The following SMOC2 variants were observed in gnomAD, a reference collection of about 807,000 sequenced individuals.
The protein encoded by SMOC2 is SPARC-related modular calcium-binding protein 2.
A neutral mutation model predicts 61.4 loss-of-function variants in SMOC2; 39 were observed. The ratio of observed to expected loss-of-function variants is 0.64; its 90% CI spans 0.49 to 0.83. SMOC2 has a LOEUF of 0.83. SMOC2 is among the 40% of genes least tolerant of loss of function. The pLI is 0.00. For missense variants in SMOC2, 556 were observed against 592.9 expected (o/e 0.94, Z 0.65); for synonymous variants, 247 against 239.9 (o/e 1.03, Z -0.27).
intron 9 of SMOC2, among the ~76,000 whole-genome samples, chr6:168,641,383 C>T (rs74960796): frequency 6.6e-6 from 1 of 152,182 alleles, no homozygotes; most frequent in African/African-American, 2.4e-5. Context: ...CGTGTCTCTT[C>T]ACCAATACCT....
Position 168,620,980 on chromosome 6 carries a change from G to A in SMOC2, c.907+12741G>A, listed in dbSNP as rs532999883. Among the ~76,000 whole-genome samples, 10 of 149,872 alleles carry A rather than the reference G, an allele frequency of 6.7e-5. 1 individual carries two copies. Among genetic ancestry groups the A allele is most frequent in the African/African-American group, 2.0e-4 (8 of 39,270 alleles). ...ACACCCTGGATGACCAACCAAGGTC[G>A]AAAACTTCTCAAAACCTGGCTTGTG... On this transcript the variant is annotated intron_variant, in intron 9 of 12. Transcript: ENST00000356284.
At chr6:168,660,263 C>G (rs1417497681) in intron 11 of SMOC2, among the ~76,000 whole-genome samples, 3 of 152,140 alleles carry the variant, frequency 2.0e-5, no homozygotes, top group Admixed American at 2.0e-4. Flanking sequence ...CCTAGACAAT[C>G]TCTTTGGAAG....
intron 8 of SMOC2, among the ~76,000 whole-genome samples, chr6:168,601,330 GCTGACCGC>G (rs1785549649): frequency 6.6e-6 from 1 of 152,192 alleles, no homozygotes; most frequent in Non-Finnish European, 1.5e-5. Flanking sequence ...GGCCGCCCTG[GCTGACCGC>G]CTGCTCTCGA....
intron 1 of SMOC2, among the ~76,000 whole-genome samples, chr6:168,487,453 C>T (rs16886982): frequency 0.042 from 6,401 of 152,174 alleles, 206 homozygotes; most frequent in South Asian, 0.16. Context: ...ATCTCATGCA[C>T]CGAAAATTAT....
chr6:168,612,961 G>T (rs888660494), intron 9 of SMOC2, among the ~76,000 whole-genome samples: 1 of 152,190 alleles, frequency 6.6e-6, no homozygotes, highest in Middle Eastern at 3.2e-3. Flanking sequence ...GGCCTAGAGT[G>T]CAGGGTTTCC....
intron 7 of SMOC2, among the ~76,000 whole-genome samples, chr6:168,568,025 A>G (rs143180996): frequency 2.2e-5 from 3 of 133,954 alleles, no homozygotes; most frequent in African/African-American, 6.1e-5. Context: ...AATTTAGTGC[A>G]TCTTCTCTTC....
chr6:168,501,873 C>T lies in SMOC2; in HGVS notation c.85-8042C>T, dbSNP rs530870343. Among the ~76,000 whole-genome samples the T allele has an allele frequency of 1.7e-3, 255 of 152,300 alleles. 1 individual carries two copies. Among genetic ancestry groups the T allele is most frequent in the Non-Finnish European group, 3.1e-4 (21 of 68,030 alleles). On this transcript the variant is annotated intron_variant, in intron 1 of 12. Transcript: ENST00000356284. The stretch of plus-strand genomic sequence containing the variant: ...CGTTTGGTCCTGAGAGGGGCTGCCT[C>T]GCCCTGGCCACATCCTCCTGCACAT...
At chr6:168,479,492 A>T (rs1256516752) in intron 1 of SMOC2, among the ~76,000 whole-genome samples, 1 of 152,198 alleles carries the variant, frequency 6.6e-6, no homozygotes, top group African/African-American at 2.4e-5. Flanking sequence ...AATCTTTCTG[A>T]TGTAACTATT....
intron 4 of SMOC2, among the ~76,000 whole-genome samples, chr6:168,540,200 G>A (rs1261655694): frequency 1.3e-5 from 2 of 152,254 alleles, no homozygotes; most frequent in South Asian, 2.1e-4. Context: ...GTGTGTATGA[G>A]GGGGTGAGCC....
intron 1 of SMOC2, among the ~76,000 whole-genome samples, chr6:168,491,920 A>AT (rs1486148203): frequency 6.6e-6 from 1 of 152,118 alleles, no homozygotes; most frequent in East Asian, 1.9e-4. Flanking sequence ...TCGAAATATT[A>AT]TTTTTAACCA....
chr6:168,664,384 C>CTTTTTTTTTTTTTTTTTTTT (rs750178882), intron 12 of SMOC2: 4 of 283,080 alleles, frequency 1.4e-5, no homozygotes, highest in African/African-American at 1.2e-4. Context: ...TTTGGTAGAT[C>CTTTTTTTTTTTTTTTTTTTT]TTTTTTTTTT....
intron 9 of SMOC2, among the ~76,000 whole-genome samples, chr6:168,627,358 T>G (rs749092442): frequency 6.6e-6 from 1 of 152,224 alleles, no homozygotes; most frequent in Non-Finnish European, 1.5e-5. Context: ...GGAAGATTTC[T>G]CTCTTGTTTT....
At position 168,543,670 on chromosome 6, in the gene SMOC2, C is replaced by T; in HGVS notation, c.509C>T (p.Thr170Ile). Residue 170 changes from threonine (T) to isoleucine (I), a missense_variant and splice_region_variant, in exon 5 of 13, where the codon ACA becomes ATA. Physicochemically the swap from Thr to Ile is moderately conservative, Grantham distance 89. Transcript: ENST00000356284. Reference sequence around the variant, plus strand: ...CCCCAACGCGAAGGCACAGGAAAAACAGGTAACTATCTTAGAATAAATGTC... The same window carrying T: ...CCCCAACGCGAAGGCACAGGAAAAATAGGTAACTATCTTAGAATAAATGTC... ...KLPQREGTGK[T>I]DDAAAPALET... is the part of the protein sequence containing the mutation. The T allele has an allele frequency of 6.2e-7, 1 of 1,613,226 alleles. No individual in the cohort carries two copies. The highest frequency in any genetic ancestry group is 8.5e-7 in the Non-Finnish European group (1 of 1,179,252).
At chr6:168,527,087 G>A (rs1236923593) in intron 3 of SMOC2, among the ~76,000 whole-genome samples, 1 of 152,236 alleles carries the variant, frequency 6.6e-6, no homozygotes, top group Non-Finnish European at 1.5e-5. Flanking sequence ...TGACATGCCT[G>A]GGGCCCATTG....
At chr6:168,455,162 T>C (rs1781555740) in intron 1 of SMOC2, among the ~76,000 whole-genome samples, 1 of 152,104 alleles carries the variant, frequency 6.6e-6, no homozygotes, top group South Asian at 2.1e-4. Flanking sequence ...CAGGCCAGCT[T>C]GAGGTGCAGC....
intron 1 of SMOC2, among the ~76,000 whole-genome samples, chr6:168,455,784 G>A (rs1457239898): frequency 2.0e-5 from 3 of 152,160 alleles, no homozygotes; most frequent in African/African-American, 4.8e-5. Context: ...AAAACAAACC[G>A]AACAACCTAG....
At chr6:168,660,463 T>C (rs1013538039) in intron 11 of SMOC2, among the ~76,000 whole-genome samples, 1 of 152,222 alleles carries the variant, frequency 6.6e-6, no homozygotes, top group Non-Finnish European at 1.5e-5. Context: ...ATTGCATATA[T>C]TGATAGACTG....
intron 1 of SMOC2, among the ~76,000 whole-genome samples, chr6:168,469,659 G>A (rs2115011942): frequency 6.6e-6 from 1 of 152,322 alleles, no homozygotes; most frequent in South Asian, 2.1e-4. Context: ...GCTGCTCGGA[G>A]CCGATGACAT....
At chr6:168,518,850 TGC>T (rs1208466025) in intron 2 of SMOC2, among the ~76,000 whole-genome samples, 3 of 149,904 alleles carry the variant, frequency 2.0e-5, no homozygotes, top group African/African-American at 2.5e-5. Context: ...TGCGTGTGTG[TGC>T]CTCCTTGTGT....
Sources: allele counts gnomAD v4.1 joint callset (sites outside exome capture counted in the v4.1 genomes callset), GRCh38; gene constraint gnomAD v4.1.1; transcripts MANE v1.5; gene names NCBI Gene and HGNC (gene_info 2026-07-23, HGNC 2026-07-21).